ACTR3: variants seen among roughly 807,000 people sequenced by gnomAD.
The protein encoded by ACTR3 is actin-related protein 3.
ACTR3 carries 12 observed loss-of-function variants against 56.8 expected under a neutral mutation model. The ratio of observed to expected loss-of-function variants is 0.21; its 90% CI spans 0.14 to 0.34. The LOEUF (loss-of-function observed/expected upper bound fraction) is 0.34, where lower values mean the gene tolerates loss of function less well. Among genes scored for constraint, ACTR3 ranks in the 10% least tolerant of loss-of-function variants. The pLI is 1.00. For missense variants in ACTR3, 282 were observed against 512.5 expected, an observed-to-expected ratio of 0.55 and a Z score of 4.34; for synonymous variants, 162 against 167.4, an observed-to-expected ratio of 0.97 and a Z score of 0.25.
intron 1 of ACTR3, among the ~76,000 whole-genome samples, chr2:113,899,807 A>G (rs1679067221): frequency 6.6e-6 from 1 of 152,232 alleles, no homozygotes; most frequent in Admixed American, 6.5e-5. Context: ...TTACTGATAA[A>G]GGGAAGTCAT....
At chr2:113,900,539 C>T (rs958084627) in intron 1 of ACTR3, among the ~76,000 whole-genome samples, 2 of 152,086 alleles carry the variant, frequency 1.3e-5, no homozygotes, top group Non-Finnish European at 2.9e-5. Context: ...TAAAGGAAGG[C>T]CTATGGATAA....
chr2:113,919,105 T>G (rs1380250177), intron 3 of ACTR3, among the ~76,000 whole-genome samples: 1 of 152,234 alleles, frequency 6.6e-6, no homozygotes, highest in Non-Finnish European at 1.5e-5. Flanking sequence ...AACCTGCAAT[T>G]ATTTTAAAGT....
intron 3 of ACTR3, among the ~76,000 whole-genome samples, chr2:113,921,780 G>A (rs1020605148): frequency 9.9e-5 from 15 of 152,276 alleles, no homozygotes; most frequent in African/African-American, 3.4e-4. Flanking sequence ...TTTTGTTAGA[G>A]TCAAATATGT....
At chr2:113,948,358 C>T (rs1559489173) in intron 8 of ACTR3, among the ~76,000 whole-genome samples, 1 of 152,074 alleles carries the variant, frequency 6.6e-6, no homozygotes, top group Non-Finnish European at 1.5e-5. Flanking sequence ...CCATGTTGCC[C>T]AGGCTGGTCT....
intron 1 of ACTR3, among the ~76,000 whole-genome samples, chr2:113,898,503 A>C (rs918245488): frequency 1.3e-5 from 2 of 152,168 alleles, no homozygotes; most frequent in African/African-American, 4.8e-5. Flanking sequence ...GAATAACATA[A>C]TGTATTTTAT....
chr2:113,950,264 C>T (rs1652190979), intron 8 of ACTR3, among the ~76,000 whole-genome samples: 1 of 152,202 alleles, frequency 6.6e-6, no homozygotes, highest in Non-Finnish European at 1.5e-5. Context: ...CTCTGTAAGA[C>T]ACATCACAGC....
At position 113,951,706 on chromosome 2, in the gene ACTR3, T is replaced by A; in HGVS notation, c.952-14T>A. On this transcript the variant is annotated splice_polypyrimidine_tract_variant and intron_variant, in intron 9 of 11. Transcript: ENST00000263238. ...TTCTCTTTTTAAATATTATATTTATTTTCTCTCCACTAGAATATTGTCCTC... is the reference window on the plus strand; with the variant it reads ...TTCTCTTTTTAAATATTATATTTATATTCTCTCCACTAGAATATTGTCCTC... The A allele has an allele frequency of 1.9e-6, 3 of 1,561,340 alleles. No homozygotes were observed. Among genetic ancestry groups the A allele is most frequent in the Non-Finnish European group, 2.6e-6 (3 of 1,150,324 alleles).
intron 10 of ACTR3, chr2:113,952,992 T>C (rs1033639645): frequency 4.6e-5 from 7 of 152,240 alleles, no homozygotes; most frequent in Admixed American, 1.3e-4. Flanking sequence ...ACTAACCACA[T>C]TGATTATGTG....
intron 6 of ACTR3, among the ~76,000 whole-genome samples, chr2:113,935,255 T>G (rs964455644): frequency 6.6e-6 from 1 of 152,100 alleles, no homozygotes; most frequent in African/African-American, 2.4e-5. Flanking sequence ...GAGTGTACAG[T>G]TCATTGATTT....
intron 5 of ACTR3, among the ~76,000 whole-genome samples, chr2:113,933,591 T>C (rs555488188): frequency 1.3e-5 from 2 of 152,318 alleles, no homozygotes; most frequent in South Asian, 2.1e-4. Context: ...GGTAGGGTGG[T>C]TGTGTACTTT....
chr2:113,909,606 T>G (rs192456091), intron 1 of ACTR3, among the ~76,000 whole-genome samples: 34 of 150,176 alleles, frequency 2.3e-4, no homozygotes, highest in East Asian at 5.9e-4. Flanking sequence ...TAAAAGTTTT[T>G]TTGTTGTTGT....
chr2:113,933,021 G>GT (rs1431108142), intron 5 of ACTR3, among the ~76,000 whole-genome samples: 2 of 152,004 alleles, frequency 1.3e-5, no homozygotes, highest in Non-Finnish European at 2.9e-5. Context: ...AAGAAATTTA[G>GT]TTTTTTAAAA....
At position 113,937,599 on chromosome 2, in the gene ACTR3, G is replaced by A. The variant is rs75960390; in HGVS notation, c.541-2360G>A. Among the ~76,000 whole-genome samples, 3,687 of 152,196 alleles carry A rather than the reference G, an allele frequency of 0.024. 220 individuals are homozygous for A. In the East Asian group the frequency reaches 0.26, roughly 11 times the overall value. On this transcript the variant is annotated intron_variant, in intron 6 of 11. Coordinates refer to ENST00000263238, the MANE Select transcript of ACTR3 (RefSeq NM_005721.5). ...TTGAAAAAGTCTTTATTCTCCTTTA[G>A]TTTTGAAAGATGATTTTTGCTTGGT...
intron 1 of ACTR3, among the ~76,000 whole-genome samples, chr2:113,893,059 G>A (rs1021076964): frequency 1.3e-5 from 2 of 152,140 alleles, no homozygotes; most frequent in Non-Finnish European, 2.9e-5. Context: ...GTCTGTATTG[G>A]AAAGCATTGT....
intron 6 of ACTR3, among the ~76,000 whole-genome samples, chr2:113,937,403 G>C (rs1284279706): frequency 6.6e-6 from 1 of 152,168 alleles, no homozygotes; most frequent in Non-Finnish European, 1.5e-5. Flanking sequence ...ACTGTGCCCA[G>C]CCTTGAAATT....
chr2:113,890,481 G>T (rs1678865771), intron 1 of ACTR3, 158 bp downstream of exon 1: 1 of 1,289,444 alleles, frequency 7.8e-7, no homozygotes, highest in Admixed American at 3.1e-5. Flanking sequence ...CGCAGCCAGG[G>T]CCTCGCGGGT....
At chr2:113,933,040 A>G (rs1485870038) in intron 5 of ACTR3, among the ~76,000 whole-genome samples, 1 of 152,184 alleles carries the variant, frequency 6.6e-6, no homozygotes, top group Non-Finnish European at 1.5e-5. Context: ...AAAATGAACT[A>G]TGTTAATTTC....
At chr2:113,892,869 A>G (rs1678931835) in intron 1 of ACTR3, among the ~76,000 whole-genome samples, 1 of 152,244 alleles carries the variant, frequency 6.6e-6, no homozygotes, top group South Asian at 2.1e-4. Context: ...CGTCTTAGAT[A>G]GGAAAGCTGT....
rs1488368102 is a variant in ACTR3, at chr2:113,961,381, C to T, written c.*3926C>T. The T allele has an allele frequency of 2.6e-5, 4 of 151,398 alleles. No individual in the cohort carries two copies. Among genetic ancestry groups the T allele is most frequent in the South Asian group, 2.1e-4 (1 of 4,794 alleles). 9.4% of individuals were successfully genotyped at this position (151,398 alleles called of 1,614,324 possible). A position where few individuals can be genotyped will look rare whatever the true frequency, so the allele number is the denominator to read the frequency against. ...CACAGGAACAATAAAAAAGGAACAA[C>T]GATAGAAATACGTGATCTAGGAAAG... On this transcript the variant is annotated 3_prime_UTR_variant, in exon 12 of 12. Transcript: ENST00000263238.
Sources: gnomAD v4.1 joint callset for allele counts (sites outside exome capture counted in the v4.1 genomes callset) on GRCh38, gnomAD v4.1.1 for gene constraint, MANE v1.5 for transcripts, NCBI Gene and HGNC (gene_info 2026-07-23, HGNC 2026-07-21) for gene names.